SDCCAG8: variants seen among roughly 807,000 people sequenced by gnomAD.
SDCCAG8 encodes the protein serologically defined colon cancer antigen 8.
In SDCCAG8, 74 loss-of-function variants were observed where a neutral mutation model predicts 101.8. The ratio of observed to expected loss-of-function variants is 0.73; its 90% CI spans 0.60 to 0.88. SDCCAG8 has a LOEUF of 0.88. SDCCAG8 is among the 40% of genes least tolerant of loss of function. The pLI is 0.00. For missense variants in SDCCAG8, 787 were observed against 822.6 expected (o/e 0.96, Z 0.53); for synonymous variants, 281 against 292.9 (o/e 0.96, Z 0.41).
At chr1:243,399,966 C>T (rs1160729563) in intron 13 of SDCCAG8, among the ~76,000 whole-genome samples, 5 of 152,202 alleles carry the variant, frequency 3.3e-5, no homozygotes, top group African/African-American at 9.6e-5. Context: ...CTGAGGTATT[C>T]AGAGGTTAGT....
Position 243,454,060 on chromosome 1 carries a change from C to T in SDCCAG8, c.1985+27502C>T, listed in dbSNP as rs76331116. On this transcript the variant is annotated intron_variant, in intron 16 of 17. Coordinates refer to ENST00000366541, the MANE Select transcript of SDCCAG8 (RefSeq NM_006642.5). ...TTTGCTTCTGATTGTGCTTTTCATT[C>T]GCACCTAGCTCAGATTTTTGCCTGA... Among the ~76,000 whole-genome samples the T allele has an allele frequency of 1.5e-4, 23 of 152,154 alleles. No individual in the cohort carries two copies. In the East Asian group the frequency reaches 3.5e-3, roughly 23 times the overall value.
In SDCCAG8 at chr1:243,423,841, T is replaced by G. The variant is rs56227217; in HGVS notation, c.1854-2586T>G. Among the ~76,000 whole-genome samples the G allele has an allele frequency of 5.8e-3, 879 of 152,200 alleles. 9 individuals are homozygous for G. Among genetic ancestry groups the G allele is most frequent in the African/African-American group, 0.02 (831 of 41,560 alleles). ...TCTGGGCTTGACTACTTGGATGACC[T>G]TAGGCAAATTATTCAACTTCATGTT... is the stretch of plus-strand genomic sequence containing the variant. On this transcript the variant is annotated intron_variant, in intron 15 of 17. Coordinates refer to ENST00000366541, the MANE Select transcript of SDCCAG8 (RefSeq NM_006642.5).
intron 6 of SDCCAG8, among the ~76,000 whole-genome samples, chr1:243,296,402 T>G (rs2070880841): frequency 6.6e-6 from 1 of 152,130 alleles, no homozygotes; most frequent in South Asian, 2.1e-4. Flanking sequence ...TCACCCTACA[T>G]CTACATTCTC....
intron 13 of SDCCAG8, among the ~76,000 whole-genome samples, chr1:243,384,946 T>C (rs1222091819): frequency 6.6e-6 from 1 of 152,206 alleles, no homozygotes; most frequent in African/African-American, 2.4e-5. Flanking sequence ...TTCAGGTACA[T>C]TTAAAAATGT....
chr1:243,301,820 A>G (rs1007093231), intron 6 of SDCCAG8, among the ~76,000 whole-genome samples: 3 of 152,244 alleles, frequency 2.0e-5, no homozygotes, highest in Admixed American at 2.0e-4. Context: ...ATAAAGCTGG[A>G]GATTTTAATG....
intron 10 of SDCCAG8, among the ~76,000 whole-genome samples, chr1:243,336,616 C>T (rs1300381650): frequency 6.6e-6 from 1 of 152,070 alleles, no homozygotes; most frequent in African/African-American, 2.4e-5. Context: ...TGTAAGAACT[C>T]GCTATCATGA....
chr1:243,448,849 C>A (rs2083136474), intron 16 of SDCCAG8, among the ~76,000 whole-genome samples: 1 of 152,158 alleles, frequency 6.6e-6, no homozygotes, highest in South Asian at 2.1e-4. Context: ...AATTTGTAGT[C>A]CTTTTTATCT....
chr1:243,475,266 C>T (rs2148205668), intron 16 of SDCCAG8, among the ~76,000 whole-genome samples: 1 of 152,300 alleles, frequency 6.6e-6, no homozygotes, highest in South Asian at 2.1e-4. Flanking sequence ...TGAATACTGT[C>T]TGGATGGTTT....
At chr1:243,397,178 C>T (rs1014140796) in intron 13 of SDCCAG8, among the ~76,000 whole-genome samples, 3 of 152,038 alleles carry the variant, frequency 2.0e-5, no homozygotes, top group East Asian at 1.9e-4. Flanking sequence ...AAAGGCTGTG[C>T]GATCAGTGGC....
chr1:243,293,909 A>G (rs1245343917), intron 6 of SDCCAG8, among the ~76,000 whole-genome samples: 3 of 152,082 alleles, frequency 2.0e-5, no homozygotes, highest in East Asian at 1.9e-4. Context: ...TCGTTTTTCT[A>G]CCTGCTCAAA....
chr1:243,280,871 G>T (rs1310155634), intron 4 of SDCCAG8, among the ~76,000 whole-genome samples: 1 of 152,204 alleles, frequency 6.6e-6, no homozygotes, highest in Non-Finnish European at 1.5e-5. Flanking sequence ...AAGAAAACGT[G>T]TGTACTGCTG....
At position 243,483,971 on chromosome 1, in the gene SDCCAG8, C is replaced by T. The variant is rs186741475; in HGVS notation, c.1986-5043C>T. Among the ~76,000 whole-genome samples the T allele has an allele frequency of 7.9e-5, 12 of 152,308 alleles. No homozygotes were observed. In the East Asian group the frequency reaches 2.3e-3, roughly 30 times the overall value. ...GCCAACCCTTCCCAGGCAAATCTTG[C>T]CCCCACGTTCATGGTCTCGCCTCCC... On this transcript the variant is annotated intron_variant, in intron 16 of 17. Transcript: ENST00000366541.
chr1:243,447,687 C>G (rs2083037059), intron 16 of SDCCAG8, among the ~76,000 whole-genome samples: 1 of 152,138 alleles, frequency 6.6e-6, no homozygotes, highest in African/African-American at 2.4e-5. Flanking sequence ...ACTGCATAAA[C>G]TATGTACTTT....
At chr1:243,302,481 T>C (rs1248841378) in intron 6 of SDCCAG8, among the ~76,000 whole-genome samples, 2 of 152,150 alleles carry the variant, frequency 1.3e-5, no homozygotes, top group Non-Finnish European at 2.9e-5. Flanking sequence ...CCCTTATCTA[T>C]AAAGCTCCTA....
chr1:243,453,488 A>C (rs1471538163), intron 16 of SDCCAG8, among the ~76,000 whole-genome samples: 2 of 152,212 alleles, frequency 1.3e-5, no homozygotes, highest in African/African-American at 4.8e-5. Context: ...TTTAAATAGT[A>C]GGCTGATGTC....
intron 12 of SDCCAG8, among the ~76,000 whole-genome samples, chr1:243,364,350 C>G (rs187950717): frequency 1.3e-5 from 2 of 152,158 alleles, no homozygotes; most frequent in East Asian, 3.9e-4. Flanking sequence ...TATTTTGCAT[C>G]CAAGCATAAA....
chr1:243,369,250 C>T lies in SDCCAG8; in HGVS notation c.1474-9471C>T, dbSNP rs192782677. On this transcript the variant is annotated intron_variant, in intron 12 of 17. Coordinates refer to ENST00000366541, the MANE Select transcript of SDCCAG8 (RefSeq NM_006642.5). ...AATGGGGAGTCGATAAACAAGTTGA[C>T]TTGTGTTTGGCAATGTTTGTGCTTT... Among the ~76,000 whole-genome samples, 20 of 152,166 alleles carry T rather than the reference C, an allele frequency of 1.3e-4. No individual in the cohort carries two copies. In the East Asian group the frequency reaches 1.5e-3, roughly 12 times the overall value.
chr1:243,491,701 G>A (rs913673156), intron 17 of SDCCAG8, among the ~76,000 whole-genome samples: 5 of 152,208 alleles, frequency 3.3e-5, no homozygotes, highest in Non-Finnish European at 7.3e-5. Context: ...TGATGTGGGC[G>A]AGGCTGCTGT....
intron 13 of SDCCAG8, among the ~76,000 whole-genome samples, chr1:243,390,888 A>T (rs1315309826): frequency 6.6e-6 from 1 of 152,244 alleles, no homozygotes; most frequent in Non-Finnish European, 1.5e-5. Flanking sequence ...TTATTTTTAA[A>T]GTAAAAGGAA....
Sources: gnomAD v4.1 joint callset for allele counts (sites outside exome capture counted in the v4.1 genomes callset) on GRCh38, gnomAD v4.1.1 for gene constraint, MANE v1.5 for transcripts, NCBI Gene and HGNC (gene_info 2026-07-23, HGNC 2026-07-21) for gene names.